INTS7: variants seen among roughly 807,000 people sequenced by gnomAD.
The protein encoded by INTS7 is chromosome 1 open reading frame 73.
In INTS7, 46 loss-of-function variants were observed where a neutral mutation model predicts 109.2. That is an observed-to-expected ratio of 0.42 (90% CI 0.33 to 0.54). INTS7 has a LOEUF of 0.54. Ranked by LOEUF, INTS7 falls within the 20% of genes least tolerant of loss-of-function variation. The probability of loss-of-function intolerance (pLI) is 0.07; values close to 1 mark genes in which losing one functional copy is unlikely to be tolerated. For synonymous variants in INTS7, 412 were observed against 402.9 expected (o/e 1.02, Z -0.27); for missense variants, 929 against 1,132.4 (o/e 0.82, Z 2.58).
chr1:211,949,680 TC>T (rs1181567226), intron 17 of INTS7, among the ~76,000 whole-genome samples: 1 of 152,184 alleles, frequency 6.6e-6, no homozygotes, highest in African/African-American at 2.4e-5. Context: ...TAATATACAA[TC>T]TATATTAAGC....
intron 7 of INTS7, among the ~76,000 whole-genome samples, chr1:211,998,820 CA>C (rs1206011874): frequency 2.6e-5 from 4 of 151,654 alleles, no homozygotes; most frequent in South Asian, 2.1e-4. Context: ...AACAAAAAGA[CA>C]AAAAAACCTA....
In INTS7 at chr1:212,033,432, T is replaced by C. The variant is rs186986291; in HGVS notation, c.94+1912A>G. On this transcript the variant is annotated intron_variant, in intron 1 of 19. Coordinates refer to ENST00000366994, the MANE Select transcript of INTS7 (RefSeq NM_015434.4). ...CCTGTAAAACACTCACGCCAGGCAT[T>C]GCTGGGAGGAGTGCAAATGATCACT... 1.8e-3 allele frequency among the ~76,000 whole-genome samples: 271 copies of C among 152,328 alleles called. 1 individual carries two copies. The highest frequency in any genetic ancestry group is 2.7e-3 in the Non-Finnish European group (185 of 68,032).
intron 5 of INTS7, among the ~76,000 whole-genome samples, chr1:212,010,723 G>T (rs1666131252): frequency 6.6e-6 from 1 of 152,056 alleles, no homozygotes; most frequent in Admixed American, 6.6e-5. Flanking sequence ...TGTTACAATT[G>T]CCTATGGGTA....
intron 10 of INTS7, among the ~76,000 whole-genome samples, chr1:211,979,248 A>G (rs904597802): frequency 6.6e-6 from 1 of 152,220 alleles, no homozygotes; most frequent in East Asian, 1.9e-4. Context: ...CCTAATTCCA[A>G]TTTCTTGAAA....
intron 4 of INTS7, among the ~76,000 whole-genome samples, chr1:212,015,731 A>G (rs1402669826): frequency 6.8e-6 from 1 of 146,160 alleles, no homozygotes; most frequent in African/African-American, 2.6e-5. Context: ...AAAAAAAAAA[A>G]AAAAAAAAAA....
intron 4 of INTS7, among the ~76,000 whole-genome samples, chr1:212,016,063 T>C (rs1445901630): frequency 6.6e-6 from 1 of 152,214 alleles, no homozygotes; most frequent in Admixed American, 6.5e-5. Flanking sequence ...TTTTAAGTTG[T>C]TACCGTATTC....
Position 211,952,849 on chromosome 1 carries a change from G to C in INTS7, c.2184-148C>G, listed in dbSNP as rs561711562. On this transcript the variant is annotated intron_variant, in intron 16 of 19. Transcript: ENST00000366994. Reference sequence around the variant, plus strand: ...ACAGGTGAGAAAATTGAGGCTAGGAGAGGGTAAGTAGTTTGCCTACAGTCA... The same window carrying C: ...ACAGGTGAGAAAATTGAGGCTAGGACAGGGTAAGTAGTTTGCCTACAGTCA... 57 of 788,216 alleles carry C rather than the reference G, an allele frequency of 7.2e-5. 1 individual carries two copies. The African/African-American group carries it at 8.5e-4, about 12-fold the overall frequency. The allele number at this position is 788,216 out of a possible 1,614,324, so 48.8% of individuals were successfully genotyped here.
At chr1:211,965,313 T>C (rs1439594615) in intron 16 of INTS7, among the ~76,000 whole-genome samples, 1 of 152,086 alleles carries the variant, frequency 6.6e-6, no homozygotes, top group African/African-American at 2.4e-5. Flanking sequence ...GTTGGTGAGG[T>C]TGCAGAGAAA....
chr1:211,969,908 C>T (rs981349270), intron 13 of INTS7, among the ~76,000 whole-genome samples: 3 of 151,786 alleles, frequency 2.0e-5, no homozygotes, highest in Admixed American at 6.6e-5. Context: ...TTAGTAGAGA[C>T]GGGGTTTCAC....
intron 8 of INTS7, among the ~76,000 whole-genome samples, chr1:211,985,890 G>A (rs1489962529): frequency 6.6e-6 from 1 of 152,194 alleles, no homozygotes; most frequent in Non-Finnish European, 1.5e-5. Flanking sequence ...TTAACTGCAA[G>A]CTAAGAAACA....
intron 13 of INTS7, among the ~76,000 whole-genome samples, chr1:211,972,972 C>CT (rs896505532): frequency 2.6e-5 from 4 of 152,002 alleles, no homozygotes; most frequent in Non-Finnish European, 4.4e-5. Context: ...TGCTACTTCT[C>CT]TTTTTTTTGA....
chr1:211,948,149 T>C (rs1412392756), intron 17 of INTS7, among the ~76,000 whole-genome samples: 5 of 152,088 alleles, frequency 3.3e-5, no homozygotes, highest in Admixed American at 3.3e-4. Context: ...ACCTAGTTGC[T>C]CATGCTGTAA....
intron 16 of INTS7, among the ~76,000 whole-genome samples, chr1:211,954,758 C>G (rs1194398983): frequency 6.6e-6 from 1 of 152,096 alleles, no homozygotes; most frequent in Non-Finnish European, 1.5e-5. Context: ...TGATCTACAT[C>G]TCTGTTTTGG....
At chr1:211,976,554 C>G (rs1322427030) in intron 12 of INTS7, 28 bp downstream of exon 12, 2 of 1,589,502 alleles carry the variant, frequency 1.3e-6, no homozygotes, top group African/African-American at 2.7e-5. Flanking sequence ...TTCCAGCAAC[C>G]CAGTTCACTC....
At chr1:212,011,349 C>T (rs1190998495) in intron 5 of INTS7, 26 bp downstream of exon 5, 2 of 1,316,396 alleles carry the variant, frequency 1.5e-6, no homozygotes, top group East Asian at 2.3e-5. Context: ...TAAGTCACTT[C>T]ATAATACTAA....
At chr1:212,022,772 G>C (rs1666764949) in intron 1 of INTS7, among the ~76,000 whole-genome samples, 2 of 152,080 alleles carry the variant, frequency 1.3e-5, no homozygotes, top group Admixed American at 6.5e-5. Flanking sequence ...TTAGATTCAG[G>C]GGGTACATGT....
At chr1:211,968,733 T>C (rs1448426447) in intron 13 of INTS7, 26 bp from the exon 14 acceptor site, 1 of 1,550,196 alleles carries the variant, frequency 6.5e-7, no homozygotes, top group Non-Finnish European at 8.8e-7. Context: ...AAAAGAGATA[T>C]TTAAGACAAA....
intron 7 of INTS7, among the ~76,000 whole-genome samples, chr1:211,994,844 CAAGAT>C (rs200543661): frequency 0.01 from 1,499 of 148,374 alleles, 30 homozygotes; most frequent in African/African-American, 0.035. Context: ...AATAAAAATT[CAAGAT>C]AAGATATGGT....
intron 1 of INTS7, among the ~76,000 whole-genome samples, chr1:212,027,952 G>A (rs1571921159): frequency 6.6e-6 from 1 of 152,078 alleles, no homozygotes; most frequent in Non-Finnish European, 1.5e-5. Flanking sequence ...TCAGCCTGCC[G>A]AGTAGCTGGG....
Sources: allele counts gnomAD v4.1 joint callset (sites outside exome capture counted in the v4.1 genomes callset), GRCh38; gene constraint gnomAD v4.1.1; transcripts MANE v1.5; gene names NCBI Gene and HGNC (gene_info 2026-07-23, HGNC 2026-07-21).